The following TTC28 variants were observed in gnomAD, a reference collection of about 807,000 sequenced individuals.
The protein encoded by TTC28 is tetratricopeptide repeat domain 28.
A neutral mutation model predicts 198.0 loss-of-function variants in TTC28; 61 were observed. That is an observed-to-expected ratio of 0.31 (90% CI 0.25 to 0.38). The LOEUF (loss-of-function observed/expected upper bound fraction) is 0.38, where lower values mean the gene tolerates loss of function less well. Ranked by LOEUF, TTC28 falls within the 10% of genes least tolerant of loss-of-function variation. The pLI, the probability that TTC28 is intolerant of heterozygous loss-of-function variation, is 1.00. For synonymous variants in TTC28, 1,171 were observed against 1,297.8 expected, an observed-to-expected ratio of 0.90 and a Z score of 2.10; for missense variants, 2,678 against 3,164.0, an observed-to-expected ratio of 0.85 and a Z score of 3.69.
At chr22:28,209,026 C>A (rs1194252187) in intron 5 of TTC28, among the ~76,000 whole-genome samples, 2 of 152,162 alleles carry the variant, frequency 1.3e-5, no homozygotes, top group Non-Finnish European at 2.9e-5. Context: ...TTTCATACAG[C>A]CCTGCAAACA....
intron 13 of TTC28, chr22:28,028,846 T>A: frequency 2.7e-6 from 1 of 372,380 alleles, no homozygotes. Flanking sequence ...TATTCCCACA[T>A]TACAGGAACC....
At chr22:28,502,748 C>T (rs1568983746) in intron 2 of TTC28, among the ~76,000 whole-genome samples, 3 of 152,160 alleles carry the variant, frequency 2.0e-5, no homozygotes, top group Admixed American at 1.3e-4. Context: ...GTGCAGAAAT[C>T]CTGGATACTG....
intron 2 of TTC28, among the ~76,000 whole-genome samples, chr22:28,537,906 G>A (rs1274102590): frequency 1.3e-5 from 2 of 152,160 alleles, no homozygotes; most frequent in Admixed American, 6.5e-5. Flanking sequence ...TGAGGTGGAA[G>A]GATCCCTTGA....
chr22:28,438,208 C>A (rs776905623), intron 2 of TTC28, among the ~76,000 whole-genome samples: 4 of 152,186 alleles, frequency 2.6e-5, no homozygotes, highest in South Asian at 4.1e-4. Flanking sequence ...GCACAGCATT[C>A]TGGCAAGTAA....
At chr22:28,266,936 C>T (rs1201209696) in intron 5 of TTC28, among the ~76,000 whole-genome samples, 2 of 151,466 alleles carry the variant, frequency 1.3e-5, no homozygotes, top group African/African-American at 2.4e-5. Flanking sequence ...TCAATGACAA[C>T]GTGAGTTATA....
chr22:28,154,419 T>A (rs1157191936), intron 6 of TTC28, among the ~76,000 whole-genome samples: 2 of 150,976 alleles, frequency 1.3e-5, no homozygotes, highest in East Asian at 3.9e-4. Flanking sequence ...TGGCGCGATC[T>A]CGGCACACTG....
intron 2 of TTC28, among the ~76,000 whole-genome samples, chr22:28,320,294 A>G (rs2045425778): frequency 6.7e-6 from 1 of 149,762 alleles, no homozygotes; most frequent in African/African-American, 2.5e-5. Flanking sequence ...GACTTTACAC[A>G]TTTCCTACAC....
At chr22:28,465,115 G>T (rs975657226) in intron 2 of TTC28, among the ~76,000 whole-genome samples, 2 of 152,064 alleles carry the variant, frequency 1.3e-5, no homozygotes, top group African/African-American at 4.8e-5. Context: ...ACTAACTTAG[G>T]TTTACAAACT....
At position 28,233,216 on chromosome 22, in the gene TTC28, T is replaced by C. The variant is rs190298451; in HGVS notation, c.933+62982A>G. On this transcript the variant is annotated intron_variant, in intron 5 of 22. Coordinates refer to ENST00000397906, the MANE Select transcript of TTC28 (RefSeq NM_001145418.2). ...ATTCTGGATTTTTTTCAGTGATAAT[T>C]TTTTTAAAAATCAAGTATACTGGTA... Among the ~76,000 whole-genome samples, 1,209 of 152,314 alleles carry C rather than the reference T, an allele frequency of 7.9e-3. 18 individuals are homozygous for C. Among genetic ancestry groups the C allele is most frequent in the African/African-American group, 0.028 (1,147 of 41,562 alleles).
intron 6 of TTC28, among the ~76,000 whole-genome samples, chr22:28,137,538 T>C (rs1943227291): frequency 6.6e-6 from 1 of 152,100 alleles, no homozygotes; most frequent in Non-Finnish European, 1.5e-5. Context: ...CCCTCTTGGT[T>C]TGGAGGGAGA....
intron 6 of TTC28, among the ~76,000 whole-genome samples, chr22:28,161,580 G>A (rs2147049539): frequency 6.6e-6 from 1 of 152,036 alleles, no homozygotes; most frequent in African/African-American, 2.4e-5. Flanking sequence ...CTTTTGCTCA[G>A]GAGTTTGAGG....
At chr22:28,054,554 G>C (rs1244027724) in intron 12 of TTC28, among the ~76,000 whole-genome samples, 3 of 152,104 alleles carry the variant, frequency 2.0e-5, no homozygotes, top group African/African-American at 7.2e-5. Context: ...AGAGCAGAGA[G>C]GGAGTGGTGA....
intron 5 of TTC28, among the ~76,000 whole-genome samples, chr22:28,284,053 CT>C (rs1400493438): frequency 1.3e-5 from 2 of 152,246 alleles, no homozygotes; most frequent in East Asian, 3.9e-4. Context: ...CCTCAATATT[CT>C]TCCTCCAAAC....
chr22:28,041,645 G>A (rs1317998803), intron 12 of TTC28, among the ~76,000 whole-genome samples: 2 of 152,126 alleles, frequency 1.3e-5, no homozygotes, highest in Non-Finnish European at 2.9e-5. Context: ...AGAAAACCTA[G>A]GCAATACCAT....
intron 14 of TTC28, among the ~76,000 whole-genome samples, chr22:28,003,563 TATC>T (rs1182632591): frequency 2.0e-5 from 3 of 152,112 alleles, no homozygotes; most frequent in African/African-American, 7.2e-5. Flanking sequence ...TTCTGTCAGA[TATC>T]ATCCCACAGG....
At chr22:28,488,900 G>C (rs879755386) in intron 2 of TTC28, among the ~76,000 whole-genome samples, 6 of 152,116 alleles carry the variant, frequency 3.9e-5, no homozygotes, top group Admixed American at 3.9e-4. Context: ...ATGAGCAAGA[G>C]ACAGAATAAA....
At chr22:28,511,577 T>C (rs1350386986) in intron 2 of TTC28, among the ~76,000 whole-genome samples, 2 of 152,034 alleles carry the variant, frequency 1.3e-5, no homozygotes, top group Admixed American at 6.6e-5. Flanking sequence ...TCAAGCACTA[T>C]AGGAGGCTGA....
At chr22:28,151,952 C>A (rs1296849276) in intron 6 of TTC28, among the ~76,000 whole-genome samples, 2 of 152,194 alleles carry the variant, frequency 1.3e-5, no homozygotes, top group East Asian at 1.9e-4. Flanking sequence ...CTTGTCTATG[C>A]CTCTCAAGTA....
intron 1 of TTC28, among the ~76,000 whole-genome samples, chr22:28,644,126 G>A (rs755255056): frequency 1.2e-4 from 18 of 152,170 alleles, no homozygotes; most frequent in Non-Finnish European, 1.9e-4. Flanking sequence ...TTGGCTGGGC[G>A]CGGTGGCTCA....
Sources: allele counts gnomAD v4.1 joint callset (sites outside exome capture counted in the v4.1 genomes callset), GRCh38; gene constraint gnomAD v4.1.1; transcripts MANE v1.5; gene names NCBI Gene and HGNC (gene_info 2026-07-23, HGNC 2026-07-21).